Variants in ANKRD13C observed in about 807,000 individuals in gnomAD.
ANKRD13C encodes ankyrin repeat domain-containing protein 13C.
ANKRD13C carries 16 observed loss-of-function variants against 65.5 expected under a neutral mutation model. That is an observed-to-expected ratio of 0.24 (90% CI 0.17 to 0.37). ANKRD13C has a LOEUF of 0.37. Ranked by LOEUF, ANKRD13C falls within the 10% of genes least tolerant of loss-of-function variation. The pLI is 1.00. For missense variants in ANKRD13C, 503 were observed against 655.9 expected, an observed-to-expected ratio of 0.77 and a Z score of 2.55; for synonymous variants, 235 against 238.7, an observed-to-expected ratio of 0.98 and a Z score of 0.14.
intron 1 of ANKRD13C, among the ~76,000 whole-genome samples, chr1:70,340,557 T>G (rs1017334795): frequency 6.6e-6 from 1 of 152,200 alleles, no homozygotes; most frequent in African/African-American, 2.4e-5. Flanking sequence ...TTTAATGGTG[T>G]TGTTCGTATT....
At chr1:70,288,152 T>G (rs180907593) in intron 9 of ANKRD13C, among the ~76,000 whole-genome samples, 70 of 152,298 alleles carry the variant, frequency 4.6e-4, no homozygotes, top group Non-Finnish European at 8.2e-4. Context: ...GAGATGACCA[T>G]TCAATATCAT....
At chr1:70,305,076 A>G (rs1680532757) in intron 6 of ANKRD13C, among the ~76,000 whole-genome samples, 1 of 152,080 alleles carries the variant, frequency 6.6e-6, no homozygotes, top group Non-Finnish European at 1.5e-5. Flanking sequence ...TGGGCAATAT[A>G]GTGAGACCCT....
intron 2 of ANKRD13C, among the ~76,000 whole-genome samples, chr1:70,333,692 T>TA (rs1353079081): frequency 1.3e-5 from 2 of 152,174 alleles, no homozygotes; most frequent in Non-Finnish European, 2.9e-5. Context: ...CTTAGGATCC[T>TA]AAAAGAATTA....
intron 11 of ANKRD13C, among the ~76,000 whole-genome samples, chr1:70,271,195 G>A (rs560863673): frequency 6.6e-5 from 10 of 152,246 alleles, no homozygotes; most frequent in East Asian, 1.9e-4. Context: ...TGGACTCAAA[G>A]CTAGTAACTA....
chr1:70,313,754 G>C lies in ANKRD13C; in HGVS notation c.700C>G (p.Gln234Glu). The change falls in exon 5 of 13, where the codon CAA (glutamine) becomes GAA (glutamate). Residue 234 changes from glutamine (Q) to glutamate (E), a missense_variant. Transcript: ENST00000370944. ...DFYLELHWDF[Q>E]SWVPLLSRIL... ...CATAGCATACTCTTACCCCAGCTTT[G>C]AAAATCCCAGTGAAGTTCTAGATAA... The C allele has an allele frequency of 6.2e-7, 1 of 1,608,382 alleles. No individual in the cohort carries two copies. The highest frequency in any genetic ancestry group is 1.3e-5 in the African/African-American group (1 of 74,930).
At chr1:70,325,014 T>G (rs1328069962) in intron 2 of ANKRD13C, 57 bp from the exon 3 acceptor site, 1 of 1,152,862 alleles carries the variant, frequency 8.7e-7, no homozygotes, top group Non-Finnish European at 1.2e-6. Flanking sequence ...AATCTCTAAA[T>G]ATAAATATAT....
chr1:70,310,176 T>TA, intron 5 of ANKRD13C, among the ~76,000 whole-genome samples: 1 of 152,324 alleles, frequency 6.6e-6, no homozygotes, highest in South Asian at 2.1e-4. Flanking sequence ...AGTCTGAATA[T>TA]AAGTAAGAGC....
At chr1:70,314,525 G>A (rs764107836) in intron 4 of ANKRD13C, among the ~76,000 whole-genome samples, 4 of 151,104 alleles carry the variant, frequency 2.6e-5, no homozygotes, top group Admixed American at 1.3e-4. Context: ...ATGCCTGGCC[G>A]AAAAAAAATT....
intron 2 of ANKRD13C, among the ~76,000 whole-genome samples, chr1:70,328,809 G>A (rs1394052554): frequency 6.6e-6 from 1 of 152,116 alleles, no homozygotes; most frequent in African/African-American, 2.4e-5. Flanking sequence ...ATATTTATTG[G>A]GAAGGGGATT....
intron 9 of ANKRD13C, among the ~76,000 whole-genome samples, chr1:70,281,329 A>C (rs1396917723): frequency 6.6e-6 from 1 of 151,036 alleles, no homozygotes; most frequent in Non-Finnish European, 1.5e-5. Flanking sequence ...GGATGAGCAC[A>C]TGACTTCCTA....
At chr1:70,306,896 T>C (rs576261353) in intron 5 of ANKRD13C, among the ~76,000 whole-genome samples, 1 of 152,328 alleles carries the variant, frequency 6.6e-6, no homozygotes, top group South Asian at 2.1e-4. Context: ...ATTCTGATAG[T>C]TTTTTATTAT....
rs866450285 is a variant in ANKRD13C at position 70,274,493 on chromosome 1, A to G, written c.1394+227T>C. On this transcript the variant is annotated intron_variant, in intron 11 of 12. Transcript: ENST00000370944. ...CATCTCAAAAAAAAAAAAAAAAAAA[A>G]AAAGAAAGAAAGAAAATCTACTCAA... is the stretch of plus-strand genomic sequence containing the variant. Among the ~76,000 whole-genome samples, 160 of 147,614 alleles carry G rather than the reference A, an allele frequency of 1.1e-3. 1 individual carries two copies. Among genetic ancestry groups the G allele is most frequent in the African/African-American group, 3.0e-3 (116 of 38,194 alleles).
chr1:70,294,581 T>G (rs1164447149), intron 8 of ANKRD13C, among the ~76,000 whole-genome samples: 1 of 151,290 alleles, frequency 6.6e-6, no homozygotes, highest in Non-Finnish European at 1.5e-5. Context: ...GCCTCAAAAC[T>G]GCAACACAGA....
chr1:70,292,310 T>C (rs909985300), intron 9 of ANKRD13C, 78 bp downstream of exon 9: 4 of 1,146,496 alleles, frequency 3.5e-6, no homozygotes, highest in Non-Finnish European at 4.8e-6. Context: ...ATTTATATAC[T>C]TACTGAATGC....
At chr1:70,311,341 G>T (rs928395976) in intron 5 of ANKRD13C, among the ~76,000 whole-genome samples, 1 of 151,982 alleles carries the variant, frequency 6.6e-6, no homozygotes, top group Non-Finnish European at 1.5e-5. Context: ...AAAAACATAA[G>T]GCACATGCAT....
chr1:70,307,774 T>G (rs1168182108), intron 5 of ANKRD13C, among the ~76,000 whole-genome samples: 1 of 151,948 alleles, frequency 6.6e-6, no homozygotes, highest in East Asian at 1.9e-4. Flanking sequence ...CAAGACCCTG[T>G]CTCTACAAAA....
intron 9 of ANKRD13C, among the ~76,000 whole-genome samples, chr1:70,285,798 T>C (rs1558271836): frequency 6.6e-6 from 1 of 151,968 alleles, no homozygotes; most frequent in African/African-American, 2.4e-5. Flanking sequence ...CTAATTTTTA[T>C]ATTTTCAGTA....
chr1:70,336,127 A>C (rs1682014001), intron 1 of ANKRD13C, 28 bp from the exon 2 acceptor site: 2 of 628,282 alleles, frequency 3.2e-6, no homozygotes, highest in African/African-American at 1.9e-5. Flanking sequence ...AAATAAATAA[A>C]TTAGAAGGTG....
intron 6 of ANKRD13C, 30 bp from the exon 7 acceptor site, chr1:70,300,938 G>T: frequency 6.3e-7 from 1 of 1,582,160 alleles, no homozygotes; most frequent in South Asian, 1.2e-5. Flanking sequence ...GATAAACTCT[G>T]ACAAATATAA....
Sources: allele counts gnomAD v4.1 joint callset (sites outside exome capture counted in the v4.1 genomes callset), GRCh38; gene constraint gnomAD v4.1.1; transcripts MANE v1.5; gene names NCBI Gene and HGNC (gene_info 2026-07-23, HGNC 2026-07-21).